FOXP1: variants seen among roughly 807,000 people sequenced by gnomAD.
FOXP1 encodes forkhead box protein P1.
Under a neutral mutation model 98.2 loss-of-function variants are expected in FOXP1, and 15 were observed. The ratio of observed to expected loss-of-function variants is 0.15; its 90% CI spans 0.10 to 0.24. The LOEUF is 0.24. Ranked by LOEUF, FOXP1 falls within the 10% of genes least tolerant of loss-of-function variation. The probability of loss-of-function intolerance (pLI) is 1.00; values close to 1 mark genes in which losing one functional copy is unlikely to be tolerated. For synonymous variants in FOXP1, 371 were observed against 314.5 expected, an observed-to-expected ratio of 1.18 and a Z score of -1.90; for missense variants, 633 against 848.5, an observed-to-expected ratio of 0.75 and a Z score of 3.15.
At chr3:71,545,096 T>C (rs1222435876) in intron 2 of FOXP1, among the ~76,000 whole-genome samples, 2 of 133,232 alleles carry the variant, frequency 1.5e-5, no homozygotes, top group African/African-American at 6.3e-5. Context: ...GGTAAAACAA[T>C]TTTTTTTTTA....
At chr3:71,198,432 G>GGCC in intron 5 of FOXP1, 40 bp from the exon 6 acceptor site, 1 of 491,034 alleles carries the variant, frequency 2.0e-6, no homozygotes, top group Non-Finnish European at 4.0e-6. Flanking sequence ...GGGAGGGGGG[G>GGCC]AGAAAAAAAA....
At chr3:71,250,174 G>A (rs2068069431) in intron 5 of FOXP1, among the ~76,000 whole-genome samples, 1 of 152,212 alleles carries the variant, frequency 6.6e-6, no homozygotes, top group Non-Finnish European at 1.5e-5. Context: ...AGCATTCCTA[G>A]ATGCTAGTAG....
chr3:71,272,196 G>A (rs915667500), intron 5 of FOXP1, among the ~76,000 whole-genome samples: 1 of 152,098 alleles, frequency 6.6e-6, no homozygotes, highest in Non-Finnish European at 1.5e-5. Flanking sequence ...TGGAATAATG[G>A]GGTTCTTTTG....
At chr3:71,582,232 G>T (rs1299240772) in intron 1 of FOXP1, 4 of 985,228 alleles carry the variant, frequency 4.1e-6, no homozygotes, top group African/African-American at 1.7e-5. Context: ...GGGGCTCGTC[G>T]AGGGCCAAAA....
intron 2 of FOXP1, among the ~76,000 whole-genome samples, chr3:71,521,233 A>G (rs2042960880): frequency 6.6e-6 from 1 of 152,150 alleles, no homozygotes; most frequent in Non-Finnish European, 1.5e-5. Flanking sequence ...TGAAGTAAAT[A>G]TAAGAAGGGG....
chr3:70,978,286 A>G (rs182861285), intron 14 of FOXP1, among the ~76,000 whole-genome samples: 13 of 152,304 alleles, frequency 8.5e-5, no homozygotes, highest in Admixed American at 5.9e-4. Context: ...GGGGTTACCT[A>G]CCTGAGGGAG....
chr3:71,487,577 G>A (rs895504232), intron 3 of FOXP1, among the ~76,000 whole-genome samples: 16 of 152,200 alleles, frequency 1.1e-4, no homozygotes, highest in Non-Finnish European at 2.1e-4. Context: ...CTCAGTAAAG[G>A]AAAGAATATG....
At chr3:70,967,684 T>G (rs1484346337) in intron 19 of FOXP1, among the ~76,000 whole-genome samples, 1 of 127,520 alleles carries the variant, frequency 7.8e-6, no homozygotes, top group Non-Finnish European at 1.6e-5. Context: ...ACTACTATTA[T>G]TTGTTTTTTT....
chr3:71,515,189 T>A (rs1253200168), intron 2 of FOXP1, among the ~76,000 whole-genome samples: 1 of 152,120 alleles, frequency 6.6e-6, no homozygotes, highest in African/African-American at 2.4e-5. Flanking sequence ...GTTGAATATA[T>A]AACCATGGCT....
chr3:71,355,396 G>A lies in FOXP1; in HGVS notation c.-73+3754C>T, dbSNP rs562197593. On this transcript the variant is annotated intron_variant, in intron 4 of 20. Coordinates refer to ENST00000649528, the MANE Select transcript of FOXP1 (RefSeq NM_001349338.3). ...ACATATGGAACAAACAAGAGGTTTG[G>A]ATCAAGAAAAATAATAAAGGGGCTG... 2.2e-4 allele frequency among the ~76,000 whole-genome samples: 34 copies of A among 152,274 alleles called. 1 individual carries two copies. The South Asian group carries it at 6.8e-3, about 31-fold the overall frequency.
intron 5 of FOXP1, among the ~76,000 whole-genome samples, chr3:71,242,322 A>G (rs1008216500): frequency 6.6e-6 from 1 of 152,222 alleles, no homozygotes; most frequent in African/African-American, 2.4e-5. Context: ...CATAGACCAG[A>G]ACGCTCCTAA....
chr3:71,018,772 A>AGTTTT (rs1460370309), intron 11 of FOXP1, among the ~76,000 whole-genome samples: 1 of 152,236 alleles, frequency 6.6e-6, no homozygotes, highest in Non-Finnish European at 1.5e-5. Context: ...GGGAGTCAGG[A>AGTTTT]GTAGCAGGGA....
At position 71,120,578 on chromosome 3, in the gene FOXP1, G is replaced by T. The variant is rs1352545302; in HGVS notation, c.181-7941C>A. Among the ~76,000 whole-genome samples the T allele has an allele frequency of 2.0e-5, 3 of 152,236 alleles. 1 individual carries two copies. Among genetic ancestry groups the T allele is most frequent in the East Asian group, 1.9e-4 (1 of 5,204 alleles). ...CACCTACAGCATTCCAACATTATGT[G>T]TTTGAGTCAAAGTGGAAAGGGACAA... is the stretch of plus-strand genomic sequence containing the variant. On this transcript the variant is annotated intron_variant, in intron 6 of 20. Coordinates refer to ENST00000649528, the MANE Select transcript of FOXP1 (RefSeq NM_001349338.3).
rs1307539063 is a variant in FOXP1 at position 71,181,541 on chromosome 3, T to C, written c.180+16661A>G. ...GGGTTTTCAACTCTCATCAGTGGCA[T>C]TCCAAAATGCCTCCAATAAAATATT... On this transcript the variant is annotated intron_variant, in intron 6 of 20. Coordinates refer to ENST00000649528, the MANE Select transcript of FOXP1 (RefSeq NM_001349338.3). Among the ~76,000 whole-genome samples, 5 of 152,284 alleles carry C rather than the reference T, an allele frequency of 3.3e-5. No individual in the cohort carries two copies. In the East Asian group the frequency reaches 7.7e-4, roughly 24 times the overall value.
intron 5 of FOXP1, among the ~76,000 whole-genome samples, chr3:71,276,896 C>T (rs1036582334): frequency 6.6e-6 from 1 of 151,858 alleles, no homozygotes; most frequent in Non-Finnish European, 1.5e-5. Context: ...CAAATCTCTC[C>T]GTTCCCCCTA....
chr3:71,498,134 C>A (rs924924304), intron 2 of FOXP1, among the ~76,000 whole-genome samples: 1 of 152,126 alleles, frequency 6.6e-6, no homozygotes, highest in Non-Finnish European at 1.5e-5. Flanking sequence ...GAGAGAGAAG[C>A]GTGGAATGCC....
intron 5 of FOXP1, among the ~76,000 whole-genome samples, chr3:71,242,538 A>G (rs1197224543): frequency 6.6e-6 from 1 of 152,228 alleles, no homozygotes; most frequent in Non-Finnish European, 1.5e-5. Context: ...ACCAGACACT[A>G]ATAATAAGCT....
At chr3:71,544,284 T>C (rs1385145403) in intron 2 of FOXP1, among the ~76,000 whole-genome samples, 1 of 151,408 alleles carries the variant, frequency 6.6e-6, no homozygotes. Context: ...TTTTAATAAT[T>C]TATATCATCT....
chr3:71,414,100 G>T (rs953432130), intron 3 of FOXP1, among the ~76,000 whole-genome samples: 1 of 152,068 alleles, frequency 6.6e-6, no homozygotes, highest in Non-Finnish European at 1.5e-5. Flanking sequence ...AAGCCACCGA[G>T]AAGCACCCCA....
Sources: allele counts gnomAD v4.1 joint callset (sites outside exome capture counted in the v4.1 genomes callset), GRCh38; gene constraint gnomAD v4.1.1; transcripts MANE v1.5; gene names NCBI Gene and HGNC (gene_info 2026-07-23, HGNC 2026-07-21).